Variants in GPR139 observed in about 807,000 individuals in gnomAD.
GPR139 encodes the protein probable G protein-coupled receptor 139.
A neutral mutation model predicts 25.8 loss-of-function variants in GPR139; 12 were observed. The observed-to-expected ratio is 0.47, with a 90% CI of 0.30 to 0.75. The LOEUF (loss-of-function observed/expected upper bound fraction) is 0.75. GPR139 is among the 30% of genes least tolerant of loss of function. The probability of loss-of-function intolerance (pLI) is 0.07; values close to 1 mark genes in which losing one functional copy is unlikely to be tolerated. For synonymous variants in GPR139, 184 were observed against 179.9 expected (o/e 1.02, Z -0.18); for missense variants, 380 against 450.2 (o/e 0.84, Z 1.41).
At chr16:20,045,331 C>G (rs952479884) in intron 1 of GPR139, among the ~76,000 whole-genome samples, 1 of 152,070 alleles carries the variant, frequency 6.6e-6, no homozygotes, top group Admixed American at 6.6e-5. Context: ...CATACGACAT[C>G]ATGAGATAGC....
chr16:20,033,876 C>A (rs2057300474), intron 1 of GPR139, among the ~76,000 whole-genome samples: 1 of 151,314 alleles, frequency 6.6e-6, no homozygotes, highest in Non-Finnish European at 1.5e-5. Context: ...ACTGCAATTA[C>A]TTTTGCACCA....
At chr16:20,067,891 T>C (rs12935462) in intron 1 of GPR139, among the ~76,000 whole-genome samples, 50,069 of 144,430 alleles carry the variant, frequency 0.35, 9,049 homozygotes, top group East Asian at 0.56. Flanking sequence ...AAATACACAA[T>C]AGAATGCAAT....
intron 1 of GPR139, among the ~76,000 whole-genome samples, chr16:20,057,188 C>T (rs1168809612): frequency 1.3e-5 from 2 of 152,144 alleles, no homozygotes; most frequent in Admixed American, 6.5e-5. Context: ...ACGTGCAGGC[C>T]GGTCGCATCT....
At chr16:20,057,134 A>G (rs1199841619) in intron 1 of GPR139, among the ~76,000 whole-genome samples, 1 of 152,192 alleles carries the variant, frequency 6.6e-6, no homozygotes, top group East Asian at 1.9e-4. Context: ...CTGAATACCA[A>G]TGTCTGCAGT....
At chr16:20,045,947 C>T (rs9923019) in intron 1 of GPR139, among the ~76,000 whole-genome samples, 24,368 of 152,000 alleles carry the variant, frequency 0.16, 2,749 homozygotes, top group African/African-American at 0.32. Context: ...TTATTGGGTG[C>T]GAGGGGACCA....
intron 1 of GPR139, among the ~76,000 whole-genome samples, chr16:20,043,318 G>C (rs941438456): frequency 2.0e-5 from 3 of 152,148 alleles, no homozygotes; most frequent in Non-Finnish European, 4.4e-5. Context: ...ATCCAAGCCA[G>C]CCGACAGACC....
intron 1 of GPR139, among the ~76,000 whole-genome samples, chr16:20,066,521 CTT>C (rs2057434716): frequency 2.0e-5 from 3 of 152,178 alleles, no homozygotes; most frequent in Non-Finnish European, 4.4e-5. Flanking sequence ...TTCATTTCCA[CTT>C]TGAGTGAAAT....
In GPR139 at chr16:20,030,597, A is replaced by G. The variant is rs1238853168; in HGVS notation, c.*1138T>C. Among the ~76,000 whole-genome samples the G allele has an allele frequency of 7.6e-4, 2 of 2,632 alleles. No individual in the cohort carries two copies. The highest frequency in any genetic ancestry group is 2.3e-3 in the African/African-American group (1 of 438). The allele number at this position is 2,632 out of a possible 152,430, so 1.7% of individuals were successfully genotyped here. On this transcript the variant is annotated 3_prime_UTR_variant, in exon 2 of 2. Coordinates refer to ENST00000570682, the MANE Select transcript of GPR139 (RefSeq NM_001002911.4). ...TTAAATAGCTTTACCAAGAACTGGC[A>G]CCCCCTTTTGAGCCATGTGCGTCAA...
intron 1 of GPR139, among the ~76,000 whole-genome samples, chr16:20,063,484 T>A (rs928345979): frequency 6.6e-6 from 1 of 152,098 alleles, no homozygotes; most frequent in Non-Finnish European, 1.5e-5. Context: ...TCAGCCTGGG[T>A]GATAGAGTGA....
At chr16:20,068,417 G>A (rs1276719815) in intron 1 of GPR139, among the ~76,000 whole-genome samples, 1 of 151,966 alleles carries the variant, frequency 6.6e-6, no homozygotes, top group African/African-American at 2.4e-5. Flanking sequence ...ATTATTCACT[G>A]GTAGTATATA....
intron 1 of GPR139, among the ~76,000 whole-genome samples, chr16:20,061,830 G>A (rs2057415431): frequency 6.6e-6 from 1 of 152,202 alleles, no homozygotes; most frequent in Non-Finnish European, 1.5e-5. Flanking sequence ...CTGCACTGCT[G>A]CAATGGCCAA....
At position 20,073,755 on chromosome 16, in the gene GPR139, C is replaced by T. The variant is rs1442611899; in HGVS notation, c.-139G>A. 3 of 1,132,786 alleles carry T rather than the reference C, an allele frequency of 2.6e-6. No individual in the cohort carries two copies. Among genetic ancestry groups the T allele is most frequent in the Non-Finnish European group, 3.6e-6 (3 of 828,668 alleles). 70.2% of individuals were successfully genotyped at this position (1,132,786 alleles called of 1,614,324 possible). A position where few individuals can be genotyped will look rare whatever the true frequency, so the allele number is the denominator to read the frequency against. On this transcript the variant is annotated 5_prime_UTR_variant, in exon 1 of 2. Coordinates refer to ENST00000570682, the MANE Select transcript of GPR139 (RefSeq NM_001002911.4). This position sits in a 1 kb window ranked among gnomAD's most constrained non-coding sequence, Gnocchi z 4.7. ...CTCTCCCCGCAGGACTGGCTCCTAC[C>T]CTTGGCCGTGATCCCCTCTGCTCGC...
intron 1 of GPR139, among the ~76,000 whole-genome samples, chr16:20,060,239 G>GT (rs2057406957): frequency 6.6e-6 from 1 of 150,644 alleles, no homozygotes; most frequent in Non-Finnish European, 1.5e-5. Flanking sequence ...TTGGCTGCAG[G>GT]GTGTGTGTGT....
chr16:20,032,204 A>G lies in GPR139; in HGVS notation c.593T>C (p.Ile198Thr). The part of the protein sequence containing the change: ...CFTVYLVPCS[I>T]FFILNSIIVY... The stretch of plus-strand genomic sequence containing the variant: ...AATGATTGAGTTCAAGATGAAGAAG[A>G]TGGAGCAGGGCACCAGGTAGACGGT... Residue 198 changes from isoleucine to threonine, a missense_variant, in exon 2 of 2, where the codon ATC (isoleucine) becomes ACC (threonine). Physicochemically the swap from Ile to Thr is moderately conservative, Grantham distance 89. Transcript: ENST00000570682. The G allele has an allele frequency of 6.2e-7, 1 of 1,614,196 alleles. No individual in the cohort carries two copies. Among genetic ancestry groups the G allele is most frequent in the Non-Finnish European group, 8.5e-7 (1 of 1,180,034 alleles).
At chr16:20,051,832 G>A (rs986832770) in intron 1 of GPR139, among the ~76,000 whole-genome samples, 1 of 152,156 alleles carries the variant, frequency 6.6e-6, no homozygotes, top group African/African-American at 2.4e-5. Flanking sequence ...ACGTGCCTGC[G>A]TGTCACAGAG....
At chr16:20,039,490 A>G (rs1190109743) in intron 1 of GPR139, among the ~76,000 whole-genome samples, 1 of 152,220 alleles carries the variant, frequency 6.6e-6, no homozygotes, top group Admixed American at 6.5e-5. Flanking sequence ...TAAACATTAT[A>G]TCAGTGTCTA....
chr16:20,031,982 A>C lies in GPR139; in HGVS notation c.815T>G (p.Met272Arg). Residue 272 changes from methionine to arginine, a missense_variant, in exon 2 of 2, where the codon ATG becomes AGG. By Grantham distance (91) the Met-to-Arg change is moderately conservative (BLOSUM62 -1). Coordinates refer to ENST00000570682, the MANE Select transcript of GPR139 (RefSeq NM_001002911.4). ...GATGGCTGTGTTCAGAAGGGCTAGC[A>C]TGTTGGCAATGTCGGACATGATGTG... ...LVHIMSDIANMLALLNTAINF... is the reference protein window; with the variant it reads ...LVHIMSDIANRLALLNTAINF... 6.2e-7 allele frequency: 1 copy of C among 1,614,172 alleles called. No individual in the cohort carries two copies. Among genetic ancestry groups the C allele is most frequent in the Non-Finnish European group, 8.5e-7 (1 of 1,180,040 alleles).
At chr16:20,044,297 C>G (rs891267201) in intron 1 of GPR139, among the ~76,000 whole-genome samples, 1 of 152,184 alleles carries the variant, frequency 6.6e-6, no homozygotes. Context: ...TTCTCAGACT[C>G]AATCAATGAA....
At chr16:20,043,951 C>A (rs1307584494) in intron 1 of GPR139, among the ~76,000 whole-genome samples, 1 of 141,212 alleles carries the variant, frequency 7.1e-6, no homozygotes, top group Non-Finnish European at 1.5e-5. Flanking sequence ...TCTAGATCTG[C>A]ACTTTTCTAG....
Sources: allele counts gnomAD v4.1 joint callset (sites outside exome capture counted in the v4.1 genomes callset), GRCh38; gene constraint gnomAD v4.1.1; non-coding constraint Gnocchi (gnomAD v3.1); transcripts MANE v1.5; gene names NCBI Gene and HGNC (gene_info 2026-07-23, HGNC 2026-07-21).